The following SH3GLB1 variants were observed in gnomAD, a reference collection of about 807,000 sequenced individuals.
SH3GLB1 encodes endophilin-B1.
SH3GLB1 carries 17 observed loss-of-function variants against 42.0 expected under a neutral mutation model. The observed-to-expected ratio is 0.40, with a 90% CI of 0.28 to 0.61. The LOEUF (loss-of-function observed/expected upper bound fraction) is 0.61, where lower values mean the gene tolerates loss of function less well. Among genes scored for constraint, SH3GLB1 ranks in the 20% least tolerant of loss-of-function variants. The pLI is 0.36. For synonymous variants in SH3GLB1, 132 were observed against 146.6 expected (o/e 0.90, Z 0.72); for missense variants, 355 against 426.3 (o/e 0.83, Z 1.47).
chr1:86,726,082 A>G (rs1455556637), intron 5 of SH3GLB1, among the ~76,000 whole-genome samples: 1 of 152,126 alleles, frequency 6.6e-6, no homozygotes, highest in African/African-American at 2.4e-5. Flanking sequence ...AAAGTAAATT[A>G]TAAACTAGTT....
rs568351008 is a variant in SH3GLB1, at chr1:86,742,010, A to G, written c.762-198A>G. Among the ~76,000 whole-genome samples, 3 of 152,338 alleles carry G rather than the reference A, an allele frequency of 2.0e-5. No individual in the cohort carries two copies. The South Asian group carries it at 6.2e-4, about 32-fold the overall frequency. On this transcript the variant is annotated intron_variant, in intron 7 of 8. Transcript: ENST00000370558. ...GACTTTCAAGGATTTATATTTGAAT[A>G]CCACCTGAATTGTCTCTAGTATAAT... is the stretch of plus-strand genomic sequence containing the variant.
intron 5 of SH3GLB1, among the ~76,000 whole-genome samples, chr1:86,724,892 A>AAAAAAATATATAT (rs1291454820): frequency 3.3e-4 from 33 of 99,684 alleles, no homozygotes; most frequent in Admixed American, 5.2e-4. Context: ...AAAAAAAAAA[A>AAAAAAATATATAT]ATATATATAT....
chr1:86,720,268 C>T (rs1176751867), intron 3 of SH3GLB1, among the ~76,000 whole-genome samples: 1 of 152,038 alleles, frequency 6.6e-6, no homozygotes, highest in Non-Finnish European at 1.5e-5. Flanking sequence ...TATGTCTCTT[C>T]ATTTTTAAAA....
chr1:86,724,988 A>G (rs916670101), intron 5 of SH3GLB1, among the ~76,000 whole-genome samples: 7 of 145,928 alleles, frequency 4.8e-5, no homozygotes, highest in South Asian at 2.1e-4. Flanking sequence ...AAATATATAT[A>G]TGTGTGTATA....
In SH3GLB1 at chr1:86,740,616, G is replaced by T. The variant is rs538600660; in HGVS notation, c.762-1592G>T. Among the ~76,000 whole-genome samples, 6 of 152,318 alleles carry T rather than the reference G, an allele frequency of 3.9e-5. No individual in the cohort carries two copies. In the South Asian group the frequency reaches 1.0e-3, roughly 26 times the overall value. On this transcript the variant is annotated intron_variant, in intron 7 of 8. Coordinates refer to ENST00000370558, the MANE Select transcript of SH3GLB1 (RefSeq NM_016009.5). ...TTGAAAGAAAAAGGCGATGGTCAAAGAATGGGATAGTAGAAACTATTATTA... is the reference window on the plus strand; with the variant it reads ...TTGAAAGAAAAAGGCGATGGTCAAATAATGGGATAGTAGAAACTATTATTA...
At chr1:86,730,447 T>A in intron 5 of SH3GLB1, 1 of 828,612 alleles carries the variant, frequency 1.2e-6, no homozygotes, top group Non-Finnish European at 1.5e-6. Context: ...TAAAATATAG[T>A]TAACACCATG....
chr1:86,732,570 G>C (rs1293481399), intron 5 of SH3GLB1, among the ~76,000 whole-genome samples: 2 of 152,236 alleles, frequency 1.3e-5, no homozygotes, highest in East Asian at 1.9e-4. Flanking sequence ...ACTAAAACTT[G>C]TTCAAGAAAT....
chr1:86,729,541 T>C (rs1655393872), intron 5 of SH3GLB1, among the ~76,000 whole-genome samples: 1 of 152,174 alleles, frequency 6.6e-6, no homozygotes, highest in Admixed American at 6.5e-5. Flanking sequence ...GCTTTTCTTT[T>C]TGTCTGAGGT....
intron 6 of SH3GLB1, 51 bp from the exon 7 acceptor site, chr1:86,735,028 C>T: frequency 7.3e-7 from 1 of 1,361,612 alleles, no homozygotes; most frequent in Non-Finnish European, 1.1e-6. Context: ...CTTGCATTTG[C>T]CATTTAAGTT....
In SH3GLB1 at chr1:86,747,094, CTTAA is replaced by C. The variant is rs1656341963; in HGVS notation, c.*3862_*3865del. ...TAAGACAAAAACTGAGTCTTCTAAT[CTTAA>C]TTGTGTTCTAGCAGTAGTCATTGTA... On this transcript the variant is annotated 3_prime_UTR_variant, in exon 9 of 9. Coordinates refer to ENST00000370558, the MANE Select transcript of SH3GLB1 (RefSeq NM_016009.5). 2 of 152,562 alleles carry C rather than the reference CTTAA, an allele frequency of 1.3e-5. No individual in the cohort carries two copies. The highest frequency in any genetic ancestry group is 1.3e-4 in the Admixed American group (2 of 15,272). 9.5% of individuals were successfully genotyped at this position (152,562 alleles called of 1,614,324 possible).
Position 86,724,358 on chromosome 1 carries a change from G to T in SH3GLB1, c.523G>T (p.Ala175Ser). ...AAATAAGAGACTGGATTTGGATGCT[G>T]CAAAAACGAGACTAAAAAAGGCAAA... ...LQNKRLDLDA[A>S]KTRLKKAKAA... Residue 175 changes from alanine to serine, a missense_variant, in exon 5 of 9, where the codon GCA (alanine) becomes TCA (serine). Transcript: ENST00000370558. 6 of 1,603,686 alleles carry T rather than the reference G, an allele frequency of 3.7e-6. No homozygotes were observed. Among genetic ancestry groups the T allele is most frequent in the Non-Finnish European group, 5.1e-6 (6 of 1,177,046 alleles).
At chr1:86,714,274 A>C (rs1401384521) in intron 1 of SH3GLB1, among the ~76,000 whole-genome samples, 1 of 152,198 alleles carries the variant, frequency 6.6e-6, no homozygotes, top group South Asian at 2.1e-4. Flanking sequence ...TGTAAAGACT[A>C]CGGGGTTCTC....
At chr1:86,740,128 C>T (rs1027824891) in intron 7 of SH3GLB1, among the ~76,000 whole-genome samples, 2 of 147,774 alleles carry the variant, frequency 1.4e-5, no homozygotes, top group African/African-American at 2.6e-5. Flanking sequence ...ACAGCCTGGG[C>T]AAAAGGAATG....
chr1:86,719,529 T>C lies in SH3GLB1; in HGVS notation c.237T>C (p.Val79=), dbSNP rs758611284. ...TAGATGCCAGGATAGAAGAATTTGT[T>C]TATGAGAAACTGGATAGAAAAGCTC... is the stretch of plus-strand genomic sequence containing the variant. ...PNPNARIEEF[V]YEKLDRKAPS... Residue 79 remains valine, a synonymous_variant, in exon 3 of 9, where the codon GTT becomes GTC. Coordinates refer to ENST00000370558, the MANE Select transcript of SH3GLB1 (RefSeq NM_016009.5). The C allele has an allele frequency of 5.0e-6, 8 of 1,610,494 alleles. No homozygotes were observed. The highest frequency in any genetic ancestry group is 6.8e-6 in the Non-Finnish European group (8 of 1,178,334).
At chr1:86,728,244 A>G (rs1241901234) in intron 5 of SH3GLB1, among the ~76,000 whole-genome samples, 1 of 152,114 alleles carries the variant, frequency 6.6e-6, no homozygotes, top group Non-Finnish European at 1.5e-5. Context: ...CACTATATGC[A>G]GTTTCACAGA....
chr1:86,724,914 A>ATATATATATATAT (rs1558315388), intron 5 of SH3GLB1, among the ~76,000 whole-genome samples: 2 of 119,964 alleles, frequency 1.7e-5, no homozygotes, highest in Non-Finnish European at 3.3e-5. Flanking sequence ...TATATATATA[A>ATATATATATATAT]AATATATAAT....
chr1:86,735,616 T>C (rs263482), intron 7 of SH3GLB1, among the ~76,000 whole-genome samples: 8,201 of 152,258 alleles, frequency 0.054, 294 homozygotes, highest in East Asian at 0.16. Flanking sequence ...TTATTTTGAG[T>C]ATGTTAATAT....
At chr1:86,706,163 C>T (rs1653854211) in intron 1 of SH3GLB1, among the ~76,000 whole-genome samples, 2 of 152,236 alleles carry the variant, frequency 1.3e-5, no homozygotes, top group South Asian at 4.1e-4. Flanking sequence ...TGTGAGGAAG[C>T]AGCCTTACTG....
chr1:86,746,568 C>G lies in SH3GLB1; in HGVS notation c.*3333C>G, dbSNP rs1375440899. ...CCTGCCCTTTCTCCCATATTACGCT[C>G]ATTAGAAAGTCTACTCAGGGCTGGG... is the stretch of plus-strand genomic sequence containing the variant. On this transcript the variant is annotated 3_prime_UTR_variant, in exon 9 of 9. Transcript: ENST00000370558. 6.6e-6 allele frequency: 1 copy of G among 152,176 alleles called. No individual in the cohort carries two copies. Among genetic ancestry groups the G allele is most frequent in the Non-Finnish European group, 1.5e-5 (1 of 68,064 alleles). 9.4% of individuals were successfully genotyped at this position (152,176 alleles called of 1,614,324 possible).
Sources: gnomAD v4.1 joint callset for allele counts (sites outside exome capture counted in the v4.1 genomes callset) on GRCh38, gnomAD v4.1.1 for gene constraint, MANE v1.5 for transcripts, NCBI Gene and HGNC (gene_info 2026-07-23, HGNC 2026-07-21) for gene names.